Variants in HTR1D observed in about 807,000 individuals in gnomAD.
HTR1D encodes the protein 5-hydroxytryptamine receptor 1D, also known as 5-HT-1D.
A neutral mutation model predicts 21.1 loss-of-function variants in HTR1D; 18 were observed. The observed-to-expected ratio is 0.85, with a 90% confidence interval of 0.59 to 1.27. The LOEUF is 1.27. Among genes scored for constraint, HTR1D ranks in the 50% most tolerant of loss-of-function variants. The pLI is 0.00. For missense variants in HTR1D, 456 were observed against 481.4 expected, an observed-to-expected ratio of 0.95 and a Z score of 0.49; for synonymous variants, 196 against 204.4, an observed-to-expected ratio of 0.96 and a Z score of 0.35.
chr1:23,193,685 C>T lies in HTR1D; in HGVS notation c.535G>A (p.Ala179Thr). The T allele has an allele frequency of 1.2e-6, 2 of 1,613,464 alleles. No individual in the cohort carries two copies. The highest frequency in any genetic ancestry group is 1.7e-6 in the Non-Finnish European group (2 of 1,179,670). ...TCCGACATCTCCTCCTGGGCCTTGG[C>T]CTGCCGCCAGAAGAGCGGGGGGATG... ...ISIPPLFWRQ[A>T]KAQEEMSDCL... Residue 179 changes from alanine to threonine, a missense_variant, in exon 2 of 2, where the codon GCC (alanine) becomes ACC (threonine). Coordinates refer to ENST00000374619, the MANE Select transcript of HTR1D (RefSeq NM_000864.5).
intron 1 of HTR1D, among the ~76,000 whole-genome samples, chr1:23,200,868 C>T (rs1184566934): frequency 6.6e-6 from 1 of 152,142 alleles, no homozygotes; most frequent in Non-Finnish European, 1.5e-5. Flanking sequence ...ACCCATTTTC[C>T]CAGGGGCCAT....
intron 1 of HTR1D, among the ~76,000 whole-genome samples, chr1:23,213,495 A>AAAAC (rs1272217974): frequency 3.3e-5 from 5 of 151,334 alleles, no homozygotes; most frequent in East Asian, 1.9e-4. Context: ...AAAACAAAAC[A>AAAAC]AAAACAATAA....
At position 23,193,425 on chromosome 1, in the gene HTR1D, C is replaced by G. The variant is rs758930213; in HGVS notation, c.795G>C (p.Ser265=). The stretch of plus-strand genomic sequence containing the variant: ...AAAAGAGAGGGGAGCCAGCCGAGTG[C>G]GAGTGCCCCTCATGGAGGCTGGAGT... ...SLNSSLHEGH[S]HSAGSPLFFN... is the part of the protein sequence containing the mutation. The change falls in exon 2 of 2, where the codon TCG becomes TCC. Residue 265 remains serine (S), a synonymous_variant. Coordinates refer to ENST00000374619, the MANE Select transcript of HTR1D (RefSeq NM_000864.5). 1.9e-6 allele frequency: 3 copies of G among 1,614,202 alleles called. No homozygotes were observed. The highest frequency in any genetic ancestry group is 2.5e-6 in the Non-Finnish European group (3 of 1,180,038).
At chr1:23,208,064 G>A (rs1250745256) in intron 1 of HTR1D, among the ~76,000 whole-genome samples, 1 of 152,116 alleles carries the variant, frequency 6.6e-6, no homozygotes, top group Non-Finnish European at 1.5e-5. Context: ...CACCCGGCCT[G>A]CAAGAGCCTT....
At position 23,194,121 on chromosome 1, in the gene HTR1D, G is replaced by A; in HGVS notation, c.99C>T (p.Thr33=). 2 of 1,614,144 alleles carry A rather than the reference G, an allele frequency of 1.2e-6. No individual in the cohort carries two copies. Residue 33 remains threonine (T), a synonymous_variant, in exon 2 of 2, where the codon ACC becomes ACT. Transcript: ENST00000374619. The stretch of plus-strand genomic sequence containing the variant: ...CAAGGGAGATCTTGAGCGCCTGGAG[G>A]GTCCTGGGATCCCAAGCCTCTGAGG... ...TETSEAWDPR[T]LQALKISLAV...
rs962455437 is a variant in HTR1D at position 23,201,315 on chromosome 1, G to A, written c.-782-6314C>T. Among the ~76,000 whole-genome samples the A allele has an allele frequency of 3.3e-5, 5 of 152,304 alleles. No homozygotes were observed. In the East Asian group the frequency reaches 9.6e-4, roughly 29 times the overall value. On this transcript the variant is annotated intron_variant, in intron 1 of 1. Transcript: ENST00000374619. ...TAAACAAAAAGCAGGTCTGTAGAGA[G>A]GGGCAGGAGAATGGAGCAGAGAAAG...
intron 1 of HTR1D, among the ~76,000 whole-genome samples, chr1:23,210,750 C>T (rs1644750447): frequency 6.6e-6 from 1 of 152,112 alleles, no homozygotes. Flanking sequence ...TCTGAGTTTC[C>T]ACACCAGGTG....
chr1:23,205,465 T>G (rs1644726123), intron 1 of HTR1D, among the ~76,000 whole-genome samples: 1 of 152,242 alleles, frequency 6.6e-6, no homozygotes, highest in Non-Finnish European at 1.5e-5. Context: ...ATAAATGCTG[T>G]TGTTTTAATT....
At chr1:23,198,069 TAA>T (rs565641689) in intron 1 of HTR1D, among the ~76,000 whole-genome samples, 26 of 130,120 alleles carry the variant, frequency 2.0e-4, no homozygotes, top group Non-Finnish European at 1.8e-4. Flanking sequence ...TCCTGTCTCT[TAA>T]AAAAAAAAAA....
chr1:23,193,831 C>G lies in HTR1D; in HGVS notation c.389G>C (p.Cys130Ser). Reference protein sequence around the residue: ...TCCTASILHLCVIALDRYWAI... With the variant: ...TCCTASILHLSVIALDRYWAI... ...CCAGTACCTGTCCAGAGCAATGACACAGAGATGCAGGATGGAGGCTGTGCA... is the reference window on the plus strand; with the variant it reads ...CCAGTACCTGTCCAGAGCAATGACAGAGAGATGCAGGATGGAGGCTGTGCA... The change falls in exon 2 of 2, where the codon TGT becomes TCT. Residue 130 changes from cysteine (C) to serine (S), a missense_variant. Physicochemically the swap from Cys to Ser is moderately radical, Grantham distance 112. Coordinates refer to ENST00000374619, the MANE Select transcript of HTR1D (RefSeq NM_000864.5). 1.2e-6 allele frequency: 2 copies of G among 1,614,212 alleles called. No homozygotes were observed. The highest frequency in any genetic ancestry group is 1.7e-6 in the Non-Finnish European group (2 of 1,180,036).
Position 23,193,384 on chromosome 1 carries a change from A to C in HTR1D, c.836T>G (p.Ile279Ser). The C allele has an allele frequency of 6.2e-7, 1 of 1,614,096 alleles. No individual in the cohort carries two copies. Among genetic ancestry groups the C allele is most frequent in the African/African-American group, 1.3e-5 (1 of 75,006 alleles). The change falls in exon 2 of 2, where the codon ATC (isoleucine) becomes AGC (serine). Residue 279 changes from isoleucine (I) to serine (S), a missense_variant. Transcript: ENST00000374619. ...GSPLFFNHVKIKLADSALERK... is the reference protein window; with the variant it reads ...GSPLFFNHVKSKLADSALERK... ...TTCCAGGGCACTGTCAGCAAGCTTG[A>C]TTTTCACGTGGTTGAAAAAGAGAGG... is the stretch of plus-strand genomic sequence containing the variant.
chr1:23,214,514 T>C (rs1644766037), intron 1 of HTR1D, among the ~76,000 whole-genome samples: 1 of 152,090 alleles, frequency 6.6e-6, no homozygotes, highest in Non-Finnish European at 1.5e-5. Flanking sequence ...TCCCATGGCT[T>C]ACAAGGCCCT....
chr1:23,193,942 G>C lies in HTR1D; in HGVS notation c.278C>G (p.Pro93Arg). 1 of 1,614,202 alleles carries C rather than the reference G, an allele frequency of 6.2e-7. No homozygotes were observed. Among genetic ancestry groups the C allele is most frequent in the Non-Finnish European group, 8.5e-7 (1 of 1,180,050 alleles). The change falls in exon 2 of 2, where the codon CCC (proline) becomes CGC (arginine). Residue 93 changes from proline to arginine, a missense_variant. Coordinates refer to ENST00000374619, the MANE Select transcript of HTR1D (RefSeq NM_000864.5). ...TDLLVSILVM[P>R]ISIAYTITHT... ...GGTGATGGTATAGGCGATGCTGATG[G>C]GCATTACCAAGATGGAAACCAAGAG...
chr1:23,206,057 T>TC (rs1644729222), intron 1 of HTR1D, among the ~76,000 whole-genome samples: 1 of 151,954 alleles, frequency 6.6e-6, no homozygotes, highest in East Asian at 1.9e-4. Context: ...TTCTTTTTTT[T>TC]TTGAGATGGA....
intron 1 of HTR1D, among the ~76,000 whole-genome samples, chr1:23,214,564 TCTC>T (rs754513323): frequency 4.6e-5 from 7 of 152,044 alleles, no homozygotes; most frequent in African/African-American, 1.2e-4. Flanking sequence ...TCTGACCTCA[TCTC>T]CTACCAGCTG....
chr1:23,195,359 A>G lies in HTR1D; in HGVS notation c.-782-358T>C, dbSNP rs9282706. ...TCAGGAAAGAAACCAAATTGTTACA[A>G]TGTATTTCTCTACAAAGTATGGGGG... On this transcript the variant is annotated intron_variant, in intron 1 of 1. Coordinates refer to ENST00000374619, the MANE Select transcript of HTR1D (RefSeq NM_000864.5). 8.3e-3 allele frequency among the ~76,000 whole-genome samples: 1,247 copies of G among 150,468 alleles called. 8 individuals carry two copies. The highest frequency in any genetic ancestry group is 0.017 in the African/African-American group (672 of 40,494).
intron 1 of HTR1D, among the ~76,000 whole-genome samples, chr1:23,215,232 C>T (rs1644769121): frequency 6.6e-6 from 1 of 152,120 alleles, no homozygotes. Context: ...GCCTGGGCAA[C>T]ATGGCGACAC....
chr1:23,197,628 A>G (rs1644693742), intron 1 of HTR1D, among the ~76,000 whole-genome samples: 1 of 151,968 alleles, frequency 6.6e-6, no homozygotes, highest in Non-Finnish European at 1.5e-5. Context: ...AGGCTGAGGC[A>G]GGAGAATCAC....
At chr1:23,195,196 G>A (rs780843969) in intron 1 of HTR1D, among the ~76,000 whole-genome samples, 195 bp from the exon 2 acceptor site, 15 of 152,162 alleles carry the variant, frequency 9.9e-5, no homozygotes, top group South Asian at 2.1e-4. Flanking sequence ...ACAAAGAGTC[G>A]TAGCTTTTGG....
Sources: gnomAD v4.1 joint callset for allele counts (sites outside exome capture counted in the v4.1 genomes callset) on GRCh38, gnomAD v4.1.1 for gene constraint, MANE v1.5 for transcripts, NCBI Gene and HGNC (gene_info 2026-07-23, HGNC 2026-07-21) for gene names.